Variants in RTN4RL2 observed in about 807,000 individuals in gnomAD.
RTN4RL2 encodes the protein reticulon-4 receptor-like 2.
In RTN4RL2, 9 loss-of-function variants were observed where a neutral mutation model predicts 27.8. The ratio of observed to expected loss-of-function variants is 0.32; its 90% CI spans 0.20 to 0.57. The LOEUF (loss-of-function observed/expected upper bound fraction) is 0.57, where lower values mean the gene tolerates loss of function less well. Among genes scored for constraint, RTN4RL2 ranks in the 20% least tolerant of loss-of-function variants. RTN4RL2 has a pLI of 0.90. For synonymous variants in RTN4RL2, 285 were observed against 297.9 expected (o/e 0.96, Z 0.45); for missense variants, 436 against 596.8 (o/e 0.73, Z 2.81).
chr11:57,470,653 TTACTACTAC>T (rs111564677), intron 2 of RTN4RL2, among the ~76,000 whole-genome samples: 3 of 151,862 alleles, frequency 2.0e-5, no homozygotes, highest in African/African-American at 7.3e-5. Flanking sequence ...ATAATAATAA[TTACTACTAC>T]TACTACTACT....
chr11:57,474,036 C>A (rs1943580403), intron 2 of RTN4RL2, among the ~76,000 whole-genome samples: 1 of 151,872 alleles, frequency 6.6e-6, no homozygotes. Context: ...GCTGACACTT[C>A]ATAAAAAGAG....
Position 57,465,990 on chromosome 11 carries a change from A to ATTT in RTN4RL2, c.32-1593_32-1591dup, listed in dbSNP as rs35174184. ...AACATAGCAAGACCCCATGCCTACA[A>ATTT]TTTTTTTTTTTTTTTTTTTTTTTTT... On this transcript the variant is annotated intron_variant, in intron 1 of 2. Coordinates refer to ENST00000335099, the MANE Select transcript of RTN4RL2 (RefSeq NM_178570.3). Among the ~76,000 whole-genome samples the ATTT allele has an allele frequency of 8.8e-3, 687 of 77,904 alleles. 80 individuals are homozygous for ATTT. The highest frequency in any genetic ancestry group is 0.035 in the African/African-American group (622 of 17,834). The allele number at this position is 77,904 out of a possible 152,430, so 51.1% of individuals were successfully genotyped here.
chr11:57,470,711 T>C (rs1248945467), intron 2 of RTN4RL2, among the ~76,000 whole-genome samples: 1 of 152,226 alleles, frequency 6.6e-6, no homozygotes, highest in African/African-American at 2.4e-5. Flanking sequence ...TGATCATGCA[T>C]TTAATGCTTT....
intron 2 of RTN4RL2, among the ~76,000 whole-genome samples, chr11:57,474,881 T>C (rs1223581778): frequency 6.6e-6 from 1 of 152,202 alleles, no homozygotes; most frequent in East Asian, 1.9e-4. Context: ...TAATGTGGCC[T>C]GATTAGGTGA....
chr11:57,475,975 C>T (rs1337402209), intron 2 of RTN4RL2, among the ~76,000 whole-genome samples, 187 bp from the exon 3 acceptor site: 1 of 152,238 alleles, frequency 6.6e-6, no homozygotes. Context: ...TCACCAATAC[C>T]ACTTTTTCCA....
rs58993967 is a variant in RTN4RL2 at position 57,471,243 on chromosome 11, G to GA, written c.513+3167dup. Among the ~76,000 whole-genome samples, 858 of 135,134 alleles carry GA rather than the reference G, an allele frequency of 6.3e-3. 5 individuals are homozygous for GA. The highest frequency in any genetic ancestry group is 0.01 in the African/African-American group (371 of 35,896). 88.7% of individuals were successfully genotyped at this position (135,134 alleles called of 152,430 possible). Reference sequence around the variant, plus strand: ...AGAGCAAGACTCTGTCTCAAAAAAGGAAAAAAAAAAAAAAGCCCATAGTTC... The same window carrying GA: ...AGAGCAAGACTCTGTCTCAAAAAAGGAAAAAAAAAAAAAAAGCCCATAGTTC... On this transcript the variant is annotated intron_variant, in intron 2 of 2. Coordinates refer to ENST00000335099, the MANE Select transcript of RTN4RL2 (RefSeq NM_178570.3).
intron 2 of RTN4RL2, among the ~76,000 whole-genome samples, chr11:57,472,823 C>T (rs2135122693): frequency 6.6e-6 from 1 of 152,318 alleles, no homozygotes; most frequent in Middle Eastern, 3.4e-3. Flanking sequence ...TCCAAGGTCA[C>T]CCAGCTAGTA....
At chr11:57,473,882 A>G (rs1943579246) in intron 2 of RTN4RL2, among the ~76,000 whole-genome samples, 1 of 151,962 alleles carries the variant, frequency 6.6e-6, no homozygotes, top group Non-Finnish European at 1.5e-5. Context: ...AGGCACCTGA[A>G]TTCCCTAGGA....
Position 57,460,742 on chromosome 11 carries a change from GCAGCCCGGGGACTCCCGGGCCCTCC to G in RTN4RL2, c.-122_-98del. 4.8e-6 allele frequency: 2 copies of G among 415,068 alleles called. No homozygotes were observed. Among genetic ancestry groups the G allele is most frequent in the Non-Finnish European group, 8.5e-6 (2 of 235,022 alleles). 25.7% of individuals were successfully genotyped at this position (415,068 alleles called of 1,614,324 possible). ...GGGTAGAGCGCCGCGGCCCGGCCAC[GCAGCCCGGGGACTCCCGGGCCCTCC>G]CGGAGCCCCGCGGGGTCCCCGCCGT... On this transcript the variant is annotated 5_prime_UTR_variant, in exon 1 of 3. Coordinates refer to ENST00000335099, the MANE Select transcript of RTN4RL2 (RefSeq NM_178570.3).
chr11:57,472,457 C>T (rs1014024340), intron 2 of RTN4RL2, among the ~76,000 whole-genome samples: 7 of 152,046 alleles, frequency 4.6e-5, no homozygotes, highest in Non-Finnish European at 7.4e-5. Context: ...GCAATCCACC[C>T]GCCTCGGCCT....
In RTN4RL2 at chr11:57,466,622, TC is replaced by T. The variant is rs138924148; in HGVS notation, c.32-984del. On this transcript the variant is annotated intron_variant, in intron 1 of 2. Transcript: ENST00000335099. Reference sequence around the variant, plus strand: ...TTAGAGACCCGACCCTTAAGGCCCCTCCCGGCACAAAGAGGCTCTGACTCTG... The same window carrying T: ...TTAGAGACCCGACCCTTAAGGCCCCTCCGGCACAAAGAGGCTCTGACTCTG... Among the ~76,000 whole-genome samples, 225 of 152,168 alleles carry T rather than the reference TC, an allele frequency of 1.5e-3. 4 individuals are homozygous for T. The East Asian group carries it at 0.04, about 27-fold the overall frequency.
rs886175515 is a variant in RTN4RL2, at chr11:57,467,154, C to T, written c.32-455C>T. On this transcript the variant is annotated intron_variant, in intron 1 of 2. Coordinates refer to ENST00000335099, the MANE Select transcript of RTN4RL2 (RefSeq NM_178570.3). The surrounding 1 kb of genome is among the most constrained non-coding windows in gnomAD (Gnocchi z 5.5). ...GTGGCCAGGCCACTTGAGGCTATAA[C>T]GTTGTCCCCTGAGCCCCCAGACATG... Among the ~76,000 whole-genome samples, 1 of 152,166 alleles carries T rather than the reference C, an allele frequency of 6.6e-6. No individual in the cohort carries two copies. The highest frequency in any genetic ancestry group is 1.5e-5 in the Non-Finnish European group (1 of 68,016).
Position 57,460,912 on chromosome 11 carries a change from G to T in RTN4RL2, c.31+16G>T. 2 of 1,384,040 alleles carry T rather than the reference G, an allele frequency of 1.4e-6. No individual in the cohort carries two copies. The highest frequency in any genetic ancestry group is 1.9e-6 in the Non-Finnish European group (2 of 1,052,068). The allele number at this position is 1,384,040 out of a possible 1,614,324, so 85.7% of individuals were successfully genotyped here. A position where few individuals can be genotyped will look rare whatever the true frequency, so the allele number is the denominator to read the frequency against. ...CTGCTGCAAGGTAAGAACGCCAGCG[G>T]CGGGAGAGCGGAGGGCATCCTGGGG... is the stretch of plus-strand genomic sequence containing the variant. On this transcript the variant is annotated intron_variant, in intron 1 of 2. Coordinates refer to ENST00000335099, the MANE Select transcript of RTN4RL2 (RefSeq NM_178570.3).
At chr11:57,468,559 C>G in intron 2 of RTN4RL2, 1 of 1,536,636 alleles carries the variant, frequency 6.5e-7, no homozygotes, top group South Asian at 1.2e-5. Flanking sequence ...TGCCTTCCCC[C>G]AGGGTCCCCT....
In RTN4RL2 at chr11:57,464,148, T is replaced by C. The variant is rs192536113; in HGVS notation, c.31+3252T>C. The stretch of plus-strand genomic sequence containing the variant: ...ATGGGCTGGGGGAGGTGAGCCCTGG[T>C]TGGGGGAGACATGGGAACAAGATGG... On this transcript the variant is annotated intron_variant, in intron 1 of 2. Transcript: ENST00000335099. 9.2e-5 allele frequency among the ~76,000 whole-genome samples: 14 copies of C among 152,008 alleles called. No homozygotes were observed. In the East Asian group the frequency reaches 2.3e-3, roughly 25 times the overall value.
Position 57,476,427 on chromosome 11 carries a change from C to T in RTN4RL2, c.779C>T (p.Ala260Val). The change falls in exon 3 of 3, where the codon GCT (alanine) becomes GTT (valine). Residue 260 changes from alanine to valine, a missense_variant. Physicochemically the swap from Ala to Val is moderately conservative, Grantham distance 64 (BLOSUM62 0). Around this residue, in one of 3 missense-constraint regions of RTN4RL2, gnomAD observed 365 missense variants for 530.5 expected, o/e 0.69. Coordinates refer to ENST00000335099, the MANE Select transcript of RTN4RL2 (RefSeq NM_178570.3). This position sits in a 1 kb window ranked among gnomAD's most constrained non-coding sequence, Gnocchi z 8.2. ...LPSLEFLRLNANPWACDCRAR... is the reference protein window; with the variant it reads ...LPSLEFLRLNVNPWACDCRAR... ...TCGCTCGAGTTCCTGCGGCTCAACG[C>T]TAACCCCTGGGCGTGCGACTGCCGC... The T allele has an allele frequency of 6.3e-7, 1 of 1,595,302 alleles. No homozygotes were observed. The highest frequency in any genetic ancestry group is 8.5e-7 in the Non-Finnish European group (1 of 1,176,796).
rs1943600916 is a variant in RTN4RL2, at chr11:57,476,870, C to A, written c.1222C>A (p.Pro408Thr). The change falls in exon 3 of 3, where the codon CCT (proline) becomes ACT (threonine). Residue 408 changes from proline (P) to threonine (T), a missense_variant. Coordinates refer to ENST00000335099, the MANE Select transcript of RTN4RL2 (RefSeq NM_178570.3). The surrounding 1 kb of genome is among the most constrained non-coding windows in gnomAD (Gnocchi z 8.2). Reference sequence around the variant, plus strand: ...TGCGCTCTCGGCCGGGCTCCCCAGCCCTCTGCTTTGCCTCCTGCTCCTGGT... The same window carrying A: ...TGCGCTCTCGGCCGGGCTCCCCAGCACTCTGCTTTGCCTCCTGCTCCTGGT... ...GPALSAGLPS[P>T]LLCLLLLVPH... 3 of 1,577,728 alleles carry A rather than the reference C, an allele frequency of 1.9e-6. No individual in the cohort carries two copies. Among genetic ancestry groups the A allele is most frequent in the African/African-American group, 1.4e-5 (1 of 72,246 alleles).
Position 57,476,118 on chromosome 11 carries a change from T to C in RTN4RL2, c.514-44T>C. The C allele has an allele frequency of 6.4e-7, 1 of 1,560,636 alleles. No individual in the cohort carries two copies. The highest frequency in any genetic ancestry group is 2.3e-5 in the East Asian group (1 of 43,960). On this transcript the variant is annotated intron_variant, in intron 2 of 2. Transcript: ENST00000335099. The surrounding 1 kb of genome is among the most constrained non-coding windows in gnomAD (Gnocchi z 8.2). ...GCCCCAGCGGGGTCTGCACCCTACC[T>C]CAGGCCCATTCTCTTCTTCTGTGCC...
chr11:57,473,571 G>C lies in RTN4RL2; in HGVS notation c.514-2591G>C, dbSNP rs534096491. 5.7e-4 allele frequency among the ~76,000 whole-genome samples: 75 copies of C among 132,652 alleles called. 1 individual carries two copies. The highest frequency in any genetic ancestry group is 2.0e-3 in the African/African-American group (74 of 36,358). The allele number at this position is 132,652 out of a possible 152,430, so 87.0% of individuals were successfully genotyped here. On this transcript the variant is annotated intron_variant, in intron 2 of 2. Coordinates refer to ENST00000335099, the MANE Select transcript of RTN4RL2 (RefSeq NM_178570.3). ...CAGAGGCTCTCAGCCCAGAGGGAGG[G>C]GAGATAGGGAGGGGAGATAGGGAGG...
Sources: allele counts gnomAD v4.1 joint callset (sites outside exome capture counted in the v4.1 genomes callset), GRCh38; gene constraint gnomAD v4.1.1; regional missense constraint gnomAD v4.1.1; non-coding constraint Gnocchi (gnomAD v3.1); transcripts MANE v1.5; gene names NCBI Gene and HGNC (gene_info 2026-07-23, HGNC 2026-07-21).